Variants in SORL1 observed in about 807,000 individuals in gnomAD.
SORL1 encodes the protein sortilin-related receptor.
SORL1 carries 127 observed loss-of-function variants against 273.7 expected under a neutral mutation model. That is an observed-to-expected ratio of 0.46 (90% CI 0.40 to 0.54). The LOEUF (loss-of-function observed/expected upper bound fraction) is 0.54. Among genes scored for constraint, SORL1 ranks in the 20% least tolerant of loss-of-function variants. The probability of loss-of-function intolerance (pLI) is 0.00; values close to 1 mark genes in which losing one functional copy is unlikely to be tolerated. For synonymous variants in SORL1, 1,031 were observed against 1,067.4 expected, an observed-to-expected ratio of 0.97 and a Z score of 0.66; for missense variants, 2,494 against 2,846.1, an observed-to-expected ratio of 0.88 and a Z score of 2.81.
intron 2 of SORL1, among the ~76,000 whole-genome samples, chr11:121,475,231 TG>T (rs1861245742): frequency 2.0e-5 from 3 of 152,120 alleles, no homozygotes; most frequent in Admixed American, 2.0e-4. Context: ...TGTGCCACTG[TG>T]CTCCAGCCTG....
Position 121,608,187 on chromosome 11 carries a change from C to A in SORL1, c.5239+11C>A. ...CCATAAAAGGAAAAGGTAAATGATC[C>A]CAGCATTTGCAGATTTAGAGAAAAT... is the stretch of plus-strand genomic sequence containing the variant. On this transcript the variant is annotated intron_variant, in intron 38 of 47. Transcript: ENST00000260197. 1 of 1,601,330 alleles carries A rather than the reference C, an allele frequency of 6.2e-7. No individual in the cohort carries two copies. The highest frequency in any genetic ancestry group is 8.6e-7 in the Non-Finnish European group (1 of 1,168,652).
At chr11:121,501,673 C>G (rs1387403989) in intron 6 of SORL1, among the ~76,000 whole-genome samples, 3 of 152,118 alleles carry the variant, frequency 2.0e-5, no homozygotes, top group Non-Finnish European at 4.4e-5. Flanking sequence ...CTTTATAAAA[C>G]CATCAGATTT....
intron 1 of SORL1, among the ~76,000 whole-genome samples, chr11:121,456,217 A>T (rs1052686024): frequency 4.6e-5 from 7 of 152,176 alleles, no homozygotes; most frequent in Non-Finnish European, 1.0e-4. Flanking sequence ...ACATCCAAGG[A>T]ATACCTCTTG....
chr11:121,583,458 C>A lies in SORL1; in HGVS notation c.3581C>A (p.Ala1194Asp), dbSNP rs1863043018. The change falls in exon 26 of 48, where the codon GCC becomes GAC. Residue 1194 changes from alanine to aspartate, a missense_variant and splice_region_variant. This residue lies in a region of SORL1 where 1,609 missense variants were observed against 1,816.4 expected (regional missense o/e 0.89). Transcript: ENST00000260197. ...ACTGTGTCTCTCTTCTCTGTTACAG[C>A]CATCTATCACACCTGTGAGGCCTCC... ...RDWSDEANCTAIYHTCEASNF... is the reference protein window; with the variant it reads ...RDWSDEANCTDIYHTCEASNF... The A allele has an allele frequency of 6.2e-7, 1 of 1,610,334 alleles. No individual in the cohort carries two copies. The highest frequency in any genetic ancestry group is 8.5e-7 in the Non-Finnish European group (1 of 1,178,314).
chr11:121,475,470 G>A (rs1330503766), intron 2 of SORL1, among the ~76,000 whole-genome samples: 1 of 152,166 alleles, frequency 6.6e-6, no homozygotes, highest in East Asian at 1.9e-4. Flanking sequence ...GTGAGAATTA[G>A]GGAAGAGCTC....
At chr11:121,469,928 AG>A (rs1170159985) in intron 1 of SORL1, 78 bp from the exon 2 acceptor site, 2 of 1,000,530 alleles carry the variant, frequency 2.0e-6, no homozygotes, top group Non-Finnish European at 3.2e-6. Context: ...TGCTTGACAA[AG>A]GAGGAAAGAG....
chr11:121,470,881 G>C (rs1274635470), intron 2 of SORL1, among the ~76,000 whole-genome samples: 2 of 152,066 alleles, frequency 1.3e-5, no homozygotes, highest in Non-Finnish European at 2.9e-5. Context: ...TAGAGATGGG[G>C]TTTTGCCACG....
intron 11 of SORL1, among the ~76,000 whole-genome samples, chr11:121,525,791 A>G (rs1421664310): frequency 1.3e-5 from 2 of 152,216 alleles, no homozygotes; most frequent in Admixed American, 1.3e-4. Context: ...GGCTCTGCCT[A>G]TAATCCCAGC....
chr11:121,576,950 T>TCCTAAC, intron 24 of SORL1: 1 of 1,529,774 alleles, frequency 6.5e-7, no homozygotes, highest in Non-Finnish European at 8.8e-7. Flanking sequence ...TATCACTGCT[T>TCCTAAC]CCTAACCTTC....
chr11:121,555,268 C>A lies in SORL1; in HGVS notation c.2521C>A (p.Pro841Thr). The A allele has an allele frequency of 6.2e-7, 1 of 1,614,086 alleles. No individual in the cohort carries two copies. Among genetic ancestry groups the A allele is most frequent in the Non-Finnish European group, 8.5e-7 (1 of 1,179,934 alleles). Residue 841 changes from proline (P) to threonine (T), a missense_variant, in exon 18 of 48, where the codon CCC becomes ACC. Transcript: ENST00000260197. The stretch of plus-strand genomic sequence containing the variant: ...GACAGTAGAAGCTTTGGCTTTTGAA[C>A]CCCTCAGCCAGCTGCTTTACTGGGT... ...LETVEALAFE[P>T]LSQLLYWVDA... is the part of the protein sequence containing the mutation.
chr11:121,480,916 T>A (rs74459018), intron 3 of SORL1, among the ~76,000 whole-genome samples: 3 of 64,114 alleles, frequency 4.7e-5, no homozygotes, highest in South Asian at 5.7e-4. Context: ...TAGGCAGGCT[T>A]CATCTCCTCC....
At chr11:121,574,058 C>T (rs538526527) in intron 23 of SORL1, among the ~76,000 whole-genome samples, 183 bp from the exon 24 acceptor site, 20 of 152,290 alleles carry the variant, frequency 1.3e-4, no homozygotes, top group African/African-American at 4.6e-4. Context: ...GCCCTTATCT[C>T]TCTTGGTTGT....
intron 27 of SORL1, among the ~76,000 whole-genome samples, chr11:121,587,813 C>T (rs1045265178): frequency 6.6e-6 from 1 of 152,208 alleles, no homozygotes; most frequent in African/African-American, 2.4e-5. Context: ...AATAAAATCT[C>T]TCCTAATGTT....
chr11:121,577,402 T>TCAG lies in SORL1; in HGVS notation c.3580+3_3580+5dup. ...GGTCTGATGAAGCCAACTGTACCGG[T>TCAG]CAGTACTTCCTGGACTCAGTTGACA... On this transcript the variant is annotated splice_region_variant and intron_variant, in intron 25 of 47. Coordinates refer to ENST00000260197, the MANE Select transcript of SORL1 (RefSeq NM_003105.6). 1 of 1,596,186 alleles carries TCAG rather than the reference T, an allele frequency of 6.3e-7. No individual in the cohort carries two copies. Among genetic ancestry groups the TCAG allele is most frequent in the South Asian group, 1.1e-5 (1 of 88,420 alleles).
rs1230484933 is a variant in SORL1 at position 121,520,855 on chromosome 11, G to A, written c.1404+6G>A. Reference sequence around the variant, plus strand: ...GAGAGAAAATCAATTGTGAGGTATTGATGCTTTAATCTTCTTTTGCTTTTT... The same window carrying A: ...GAGAGAAAATCAATTGTGAGGTATTAATGCTTTAATCTTCTTTTGCTTTTT... On this transcript the variant is annotated splice_donor_region_variant and intron_variant, in intron 9 of 47. Transcript: ENST00000260197. 1 of 1,577,288 alleles carries A rather than the reference G, an allele frequency of 6.3e-7. No individual in the cohort carries two copies. The highest frequency in any genetic ancestry group is 8.6e-7 in the Non-Finnish European group (1 of 1,165,116).
At position 121,549,381 on chromosome 11, in the gene SORL1, C is replaced by T. The variant is rs187925611; in HGVS notation, c.2052-579C>T. On this transcript the variant is annotated intron_variant, in intron 14 of 47. Transcript: ENST00000260197. ...GGGACCACAGGTGTGCAGCACCATA[C>T]CTGGCTATTTTTTTTTATTCTTTTT... Among the ~76,000 whole-genome samples, 5 of 151,798 alleles carry T rather than the reference C, an allele frequency of 3.3e-5. No individual in the cohort carries two copies. The East Asian group carries it at 1.0e-3, about 30-fold the overall frequency.
chr11:121,525,569 T>G (rs1330120891), intron 11 of SORL1, among the ~76,000 whole-genome samples: 1 of 152,260 alleles, frequency 6.6e-6, no homozygotes, highest in African/African-American at 2.4e-5. Flanking sequence ...TTTTAATTGC[T>G]TCACATCTTT....
At chr11:121,520,367 C>T (rs1862021404) in intron 8 of SORL1, among the ~76,000 whole-genome samples, 1 of 152,190 alleles carries the variant, frequency 6.6e-6, no homozygotes. Context: ...ATTGCAGATT[C>T]CATTTATATG....
intron 11 of SORL1, among the ~76,000 whole-genome samples, chr11:121,523,545 G>C (rs947567448): frequency 1.3e-5 from 2 of 151,982 alleles, no homozygotes; most frequent in African/African-American, 4.8e-5. Context: ...CCTAAGACAG[G>C]GCTAGTTCCC....
Sources: gnomAD v4.1 joint callset for allele counts (sites outside exome capture counted in the v4.1 genomes callset) on GRCh38, gnomAD v4.1.1 for gene constraint, gnomAD v4.1.1 regional missense constraint, MANE v1.5 for transcripts, NCBI Gene and HGNC (gene_info 2026-07-23, HGNC 2026-07-21) for gene names.